Variants in SDR9C7 observed in about 807,000 individuals in gnomAD.
The protein encoded by SDR9C7 is short chain dehydrogenase/reductase family 9C member 7.
Under a neutral mutation model 23.6 loss-of-function variants are expected in SDR9C7, and 11 were observed. The ratio of observed to expected loss-of-function variants is 0.47; its 90% confidence interval spans 0.29 to 0.77. SDR9C7 has a LOEUF of 0.77. Among genes scored for constraint, SDR9C7 ranks in the 30% least tolerant of loss-of-function variants. The pLI is 0.09. For missense variants in SDR9C7, 387 were observed against 407.1 expected (o/e 0.95, Z 0.42); for synonymous variants, 167 against 157.3 (o/e 1.06, Z -0.46).
chr12:56,930,595 A>G, intron 1 of SDR9C7, 111 bp from the exon 2 acceptor site: 1 of 1,218,434 alleles, frequency 8.2e-7, no homozygotes, highest in Non-Finnish European at 1.1e-6. Context: ...TGCACAAGAC[A>G]TAACTCGGTC....
Position 56,934,087 on chromosome 12 carries a change from C to T in SDR9C7, c.175G>A (p.Glu59Lys), listed in dbSNP as rs1565614423. 1 of 1,614,212 alleles carries T rather than the reference C, an allele frequency of 6.2e-7. No individual in the cohort carries two copies. ...CGCTGAAGTTTCTGGGATCCCTCCT[C>T]AGTGAAGCAAGCAGCCAGCACCTGC... ...GMQVLAACFTEEGSQKLQRDT... is the reference protein window; with the variant it reads ...GMQVLAACFTKEGSQKLQRDT... The change falls in exon 1 of 4, where the codon GAG becomes AAG. Residue 59 changes from glutamate to lysine, a missense_variant. By Grantham distance (56) the Glu-to-Lys change is moderately conservative (BLOSUM62 1). Transcript: ENST00000293502.
chr12:56,930,484 C>T lies in SDR9C7; in HGVS notation c.302G>A (p.Gly101Asp). Residue 101 changes from glycine to aspartate, a missense_variant and splice_region_variant, in exon 2 of 4, where the codon GGC becomes GAC. By Grantham distance (94) the Gly-to-Asp change is moderately conservative. Coordinates refer to ENST00000293502, the MANE Select transcript of SDR9C7 (RefSeq NM_148897.3). ...QWVRDKVGEQ[G>D]LWALVNNAGV... ...AGCATTGTTCACCAGGGCCCAGAGG[C>T]CTGGGGGTGAGATGAACCACACAGA... 1 of 1,613,752 alleles carries T rather than the reference C, an allele frequency of 6.2e-7. No homozygotes were observed. Among genetic ancestry groups the T allele is most frequent in the Non-Finnish European group, 8.5e-7 (1 of 1,179,842 alleles).
In SDR9C7 at chr12:56,933,993, G is replaced by A. The variant is rs747549702; in HGVS notation, c.269C>T (p.Ala90Val). Residue 90 changes from alanine (A) to valine (V), a missense_variant, in exon 1 of 4, where the codon GCC becomes GTC. Coordinates refer to ENST00000293502, the MANE Select transcript of SDR9C7 (RefSeq NM_148897.3). ...GCCCACTTTGTCCCTCACCCACTGG[G>A]CCGCCGCCTTGATGCTTTCGCTCTT... ...VTKSESIKAA[A>V]QWVRDKVGEQ... 13 of 1,611,160 alleles carry A rather than the reference G, an allele frequency of 8.1e-6. No homozygotes were observed. Among genetic ancestry groups the A allele is most frequent in the South Asian group, 1.1e-5 (1 of 91,040 alleles).
chr12:56,925,552 C>A (rs12812221), intron 3 of SDR9C7, among the ~76,000 whole-genome samples: 29,643 of 152,130 alleles, frequency 0.19, 3,040 homozygotes, highest in African/African-American at 0.26. Flanking sequence ...CAGTCCCCTT[C>A]ACCCCAGACT....
At chr12:56,925,797 C>T (rs571647581) in intron 3 of SDR9C7, among the ~76,000 whole-genome samples, 1 of 152,260 alleles carries the variant, frequency 6.6e-6, no homozygotes, top group South Asian at 2.1e-4. Flanking sequence ...CTCTCTCTGC[C>T]CCCTCGGCGC....
intron 2 of SDR9C7, 24 bp from the exon 3 acceptor site, chr12:56,929,577 G>C: frequency 6.3e-7 from 1 of 1,589,162 alleles, no homozygotes; most frequent in Non-Finnish European, 8.6e-7. Context: ...GTTGCAGTCA[G>C]TCTGGGCCCC....
intron 1 of SDR9C7, 79 bp from the exon 2 acceptor site, chr12:56,930,563 C>T: frequency 1.3e-6 from 2 of 1,509,364 alleles, no homozygotes; most frequent in South Asian, 1.2e-5. Context: ...CGGCTCAGTG[C>T]CCTCAAGGAT....
intron 1 of SDR9C7, among the ~76,000 whole-genome samples, 167 bp from the exon 2 acceptor site, chr12:56,930,651 C>T (rs1955763457): frequency 1.3e-5 from 2 of 152,228 alleles, no homozygotes; most frequent in African/African-American, 4.8e-5. Context: ...AACTCGTTTT[C>T]CCTGAAGGGA....
intron 3 of SDR9C7, among the ~76,000 whole-genome samples, chr12:56,925,996 G>T (rs1955731423): frequency 6.6e-6 from 1 of 152,226 alleles, no homozygotes; most frequent in South Asian, 2.1e-4. Context: ...GCCATTCAGT[G>T]CTGGGCACCC....
chr12:56,932,404 T>C (rs1208250121), intron 1 of SDR9C7, among the ~76,000 whole-genome samples: 2 of 152,224 alleles, frequency 1.3e-5, no homozygotes, highest in Non-Finnish European at 2.9e-5. Context: ...GAAAAGTCGA[T>C]GAGACGGATT....
At chr12:56,926,088 T>C (rs1253685106) in intron 3 of SDR9C7, among the ~76,000 whole-genome samples, 1 of 152,222 alleles carries the variant, frequency 6.6e-6, no homozygotes, top group Admixed American at 6.5e-5. Flanking sequence ...GGACATAGGC[T>C]TTGGAGCTGG....
intron 3 of SDR9C7, among the ~76,000 whole-genome samples, chr12:56,927,519 G>A (rs534961601): frequency 5.3e-5 from 8 of 152,326 alleles, no homozygotes; most frequent in Non-Finnish European, 1.0e-4. Flanking sequence ...CCATTGGTCT[G>A]GGCAGAGCAC....
intron 1 of SDR9C7, among the ~76,000 whole-genome samples, chr12:56,931,871 C>T (rs1416966168): frequency 6.6e-6 from 1 of 152,154 alleles, no homozygotes; most frequent in African/African-American, 2.4e-5. Context: ...GGTCTCAACA[C>T]AAACATAAAT....
rs776947250 is a variant in SDR9C7 at position 56,930,213 on chromosome 12, A to G, written c.560+13T>C. 1.2e-5 allele frequency: 20 copies of G among 1,613,424 alleles called. No homozygotes were observed. Among genetic ancestry groups the G allele is most frequent in the African/African-American group, 8.0e-5 (6 of 74,870 alleles). Reference sequence around the variant, plus strand: ...TTTTCACCCAGAATTGTTCAGTACCAGGGCCCAGTTACCTTATGCTGTCAG... The same window carrying G: ...TTTTCACCCAGAATTGTTCAGTACCGGGGCCCAGTTACCTTATGCTGTCAG... On this transcript the variant is annotated intron_variant, in intron 2 of 3. Coordinates refer to ENST00000293502, the MANE Select transcript of SDR9C7 (RefSeq NM_148897.3).
In SDR9C7 at chr12:56,933,965, T is replaced by A. The variant is rs1357966684; in HGVS notation, c.297A>T (p.Glu99Asp). The A allele has an allele frequency of 1.2e-6, 2 of 1,604,974 alleles. No individual in the cohort carries two copies. Among genetic ancestry groups the A allele is most frequent in the East Asian group, 4.5e-5 (2 of 44,626 alleles). The change falls in exon 1 of 4, where the codon GAA (glutamate) becomes GAT (aspartate). Residue 99 changes from glutamate to aspartate, a missense_variant. By Grantham distance (45) the Glu-to-Asp change is conservative. Coordinates refer to ENST00000293502, the MANE Select transcript of SDR9C7 (RefSeq NM_148897.3). ...AAQWVRDKVG[E>D]QGLWALVNNA... ...AAAGAATGTAATTCGCCCCACCTTG[T>A]TCGCCCACTTTGTCCCTCACCCACT...
At chr12:56,928,985 A>C (rs1027107937) in intron 3 of SDR9C7, among the ~76,000 whole-genome samples, 1 of 152,236 alleles carries the variant, frequency 6.6e-6, no homozygotes, top group Non-Finnish European at 1.5e-5. Context: ...CATTTTGTAA[A>C]TAAGAAAACT....
chr12:56,924,332 G>A (rs993130225), intron 3 of SDR9C7, among the ~76,000 whole-genome samples: 3 of 152,212 alleles, frequency 2.0e-5, no homozygotes, highest in Non-Finnish European at 2.9e-5. Context: ...GGGAGGCTGA[G>A]GTATGGGAAC....
intron 3 of SDR9C7, among the ~76,000 whole-genome samples, chr12:56,928,771 G>C (rs970396689): frequency 6.6e-6 from 1 of 152,194 alleles, no homozygotes; most frequent in East Asian, 1.9e-4. Context: ...CAGCTGCCGT[G>C]TCCCACCTCT....
chr12:56,924,689 G>A (rs1294716023), intron 3 of SDR9C7, among the ~76,000 whole-genome samples: 1 of 152,118 alleles, frequency 6.6e-6, no homozygotes, highest in Admixed American at 6.5e-5. Flanking sequence ...GGGATGCCAA[G>A]CCAGGCCAAT....
Sources: allele counts gnomAD v4.1 joint callset (sites outside exome capture counted in the v4.1 genomes callset), GRCh38; gene constraint gnomAD v4.1.1; transcripts MANE v1.5; gene names NCBI Gene and HGNC (gene_info 2026-07-23, HGNC 2026-07-21).